TARS3: variants seen among roughly 807,000 people sequenced by gnomAD.
TARS3 encodes the protein threonyl-tRNA synthetase 3.
In TARS3, 94 loss-of-function variants were observed where a neutral mutation model predicts 103.5. The observed-to-expected ratio is 0.91, with a 90% CI of 0.77 to 1.08. TARS3 has a LOEUF of 1.08. Among genes scored for constraint, TARS3 ranks in the 50% least tolerant of loss-of-function variants. The pLI is 0.00. For synonymous variants in TARS3, 416 were observed against 355.4 expected, an observed-to-expected ratio of 1.17 and a Z score of -1.92; for missense variants, 952 against 995.2, an observed-to-expected ratio of 0.96 and a Z score of 0.58.
chr15:101,675,653 T>C lies in TARS3; in HGVS notation c.1735A>G (p.Thr579Ala), dbSNP rs1482021569. ...FGFSFQLNLS[T>A]RPENFLGEIE... ...TCTCCTAGGAAGTTTTCCGGCCTTG[T>C]TGACAGGTTTAATTGAAAGGAGAAG... is the stretch of plus-strand genomic sequence containing the variant. Residue 579 changes from threonine to alanine, a missense_variant, in exon 13 of 19, where the codon ACA becomes GCA. Thr to Ala is a moderately conservative substitution (Grantham distance 58, BLOSUM62 0). Transcript: ENST00000335968. The C allele has an allele frequency of 6.2e-7, 1 of 1,614,164 alleles. No homozygotes were observed. The highest frequency in any genetic ancestry group is 1.1e-5 in the South Asian group (1 of 91,084).
At chr15:101,661,934 C>T (rs112032479) in intron 15 of TARS3, 118 bp from the exon 16 acceptor site, 1 of 530,876 alleles carries the variant, frequency 1.9e-6, no homozygotes, top group East Asian at 3.4e-5. Flanking sequence ...CTCCATTAAC[C>T]TTATTTGTTC....
chr15:101,676,648 G>T (rs572366761), intron 12 of TARS3, among the ~76,000 whole-genome samples: 4 of 151,588 alleles, frequency 2.6e-5, no homozygotes, highest in African/African-American at 9.7e-5. Flanking sequence ...ACAGGTGCTC[G>T]CCACCATGCT....
intron 12 of TARS3, among the ~76,000 whole-genome samples, chr15:101,676,602 G>T (rs1255498225): frequency 6.6e-6 from 1 of 152,020 alleles, no homozygotes; most frequent in African/African-American, 2.4e-5. Context: ...GGGTTCAAGC[G>T]GTTCTCATGC....
chr15:101,697,435 G>GGCA (rs879480630), intron 10 of TARS3, among the ~76,000 whole-genome samples: 4 of 152,098 alleles, frequency 2.6e-5, no homozygotes, highest in Non-Finnish European at 4.4e-5. Flanking sequence ...GAGACGTCCA[G>GGCA]GCAGAATGTA....
chr15:101,704,512 G>A (rs1234214002), intron 7 of TARS3, among the ~76,000 whole-genome samples: 2 of 151,830 alleles, frequency 1.3e-5, no homozygotes, highest in Non-Finnish European at 2.9e-5. Context: ...AAAATTAGCT[G>A]GGCGTGGTGG....
chr15:101,708,811 G>A lies in TARS3; in HGVS notation c.912C>T (p.Ile304=). ...AAGTTACCTTAAACATTTCCAGGAG[G>A]ATTTCCTTGCTGACTTCTAGTCTTT... The part of the protein sequence containing the change: ...PFERLEVSKE[I]LLEMFKYNKF... Residue 304 remains isoleucine (I), a synonymous_variant, in exon 6 of 19, where the codon ATC becomes ATT. Coordinates refer to ENST00000335968, the MANE Select transcript of TARS3 (RefSeq NM_152334.3). 1.2e-6 allele frequency: 2 copies of A among 1,611,936 alleles called. No homozygotes were observed. Among genetic ancestry groups the A allele is most frequent in the Non-Finnish European group, 1.7e-6 (2 of 1,178,102 alleles).
intron 3 of TARS3, among the ~76,000 whole-genome samples, chr15:101,716,944 C>A (rs1241695433): frequency 2.7e-5 from 4 of 149,928 alleles, no homozygotes; most frequent in African/African-American, 9.8e-5. Flanking sequence ...GCAACCTCTA[C>A]CTTCCGGGTT....
chr15:101,681,303 C>G (rs536480609), intron 12 of TARS3, among the ~76,000 whole-genome samples: 4 of 152,220 alleles, frequency 2.6e-5, no homozygotes, highest in Non-Finnish European at 5.9e-5. Flanking sequence ...TCAACTCTTA[C>G]AGGGAAAAAA....
intron 3 of TARS3, among the ~76,000 whole-genome samples, chr15:101,715,593 C>T (rs944191835): frequency 1.3e-5 from 2 of 152,204 alleles, no homozygotes; most frequent in Non-Finnish European, 2.9e-5. Context: ...CCCACGCACA[C>T]ATATGTGCTG....
intron 2 of TARS3, among the ~76,000 whole-genome samples, chr15:101,721,795 G>A (rs895630920): frequency 1.3e-5 from 2 of 152,126 alleles, no homozygotes; most frequent in African/African-American, 2.4e-5. Context: ...GTATCCAGCC[G>A]CAATTTTTCA....
rs547459386 is a variant in TARS3 at position 101,714,026 on chromosome 15, G to T, written c.690+814C>A. Among the ~76,000 whole-genome samples, 10 of 152,234 alleles carry T rather than the reference G, an allele frequency of 6.6e-5. No homozygotes were observed. The South Asian group carries it at 2.1e-3, about 32-fold the overall frequency. ...TGTAACCTAAGCTAATCATAACTTAGGTTTCATGAAGATAATGGACAGCTT... is the reference window on the plus strand; with the variant it reads ...TGTAACCTAAGCTAATCATAACTTATGTTTCATGAAGATAATGGACAGCTT... On this transcript the variant is annotated intron_variant, in intron 4 of 18. Coordinates refer to ENST00000335968, the MANE Select transcript of TARS3 (RefSeq NM_152334.3).
chr15:101,662,944 GAT>G (rs1406025842), intron 15 of TARS3, among the ~76,000 whole-genome samples: 1 of 152,178 alleles, frequency 6.6e-6, no homozygotes, highest in Non-Finnish European at 1.5e-5. Context: ...AACCCCAGTG[GAT>G]TTGCTTACAA....
intron 11 of TARS3, 31 bp downstream of exon 11, chr15:101,685,865 T>C (rs201040908): frequency 1.3e-6 from 2 of 1,585,772 alleles, no homozygotes; most frequent in African/African-American, 2.7e-5. Flanking sequence ...TGTGCTCTCA[T>C]GAAAAGGTCT....
chr15:101,698,074 C>T (rs1899068369), intron 10 of TARS3, among the ~76,000 whole-genome samples: 2 of 152,200 alleles, frequency 1.3e-5, no homozygotes, highest in Non-Finnish European at 2.9e-5. Flanking sequence ...CGGTGACTCA[C>T]GCCTGTAATC....
rs373668845 is a variant in TARS3 at position 101,682,713 on chromosome 15, T to C, written c.1650+1362A>G. On this transcript the variant is annotated intron_variant, in intron 12 of 18. Coordinates refer to ENST00000335968, the MANE Select transcript of TARS3 (RefSeq NM_152334.3). ...CTGGAAGAGTATCTCTAGATTGGTA[T>C]TATTCCTTCTTTAATGTTTGGTAGA... 2.6e-5 allele frequency among the ~76,000 whole-genome samples: 4 copies of C among 152,176 alleles called. No homozygotes were observed. In the East Asian group the frequency reaches 7.7e-4, roughly 29 times the overall value.
intron 3 of TARS3, among the ~76,000 whole-genome samples, chr15:101,716,859 T>TA (rs1355164689): frequency 6.7e-6 from 1 of 150,028 alleles, no homozygotes; most frequent in African/African-American, 2.4e-5. Context: ...AATGTAATTT[T>TA]TTTTTTTTTT....
rs1357961606 is a variant in TARS3, at chr15:101,671,442, T to C, written c.1967+44A>G. 4.9e-6 allele frequency: 7 copies of C among 1,431,746 alleles called. No individual in the cohort carries two copies. The South Asian group carries it at 8.6e-5, about 18-fold the overall frequency. The allele number at this position is 1,431,746 out of a possible 1,614,324, so 88.7% of individuals were successfully genotyped here. Reference sequence around the variant, plus strand: ...TTGCTAATACTCAAATGACAAAAAATTAGAATATTAGTACTATAATATTTA... The same window carrying C: ...TTGCTAATACTCAAATGACAAAAAACTAGAATATTAGTACTATAATATTTA... On this transcript the variant is annotated intron_variant, in intron 15 of 18. Transcript: ENST00000335968.
At chr15:101,668,073 A>G (rs1897650888) in intron 15 of TARS3, among the ~76,000 whole-genome samples, 1 of 152,184 alleles carries the variant, frequency 6.6e-6, no homozygotes, top group Admixed American at 6.5e-5. Flanking sequence ...TCACTTCCTT[A>G]TCATTTGTGT....
At chr15:101,695,078 A>G (rs1055241317) in intron 10 of TARS3, among the ~76,000 whole-genome samples, 6 of 152,186 alleles carry the variant, frequency 3.9e-5, no homozygotes, top group African/African-American at 1.4e-4. Context: ...AAAATGGTAA[A>G]TTTTTATATT....
Sources: gnomAD v4.1 joint callset for allele counts (sites outside exome capture counted in the v4.1 genomes callset) on GRCh38, gnomAD v4.1.1 for gene constraint, MANE v1.5 for transcripts, NCBI Gene and HGNC (gene_info 2026-07-23, HGNC 2026-07-21) for gene names.